The following SLC35D4 variants were observed in gnomAD, a reference collection of about 807,000 sequenced individuals.
The protein encoded by SLC35D4 is solute carrier family 35 member D4.
chr18:23,266,843 G>A, the SLC35D4 span, among the ~76,000 whole-genome samples: 1 of 152,220 alleles, frequency 6.6e-6, no homozygotes, highest in Non-Finnish European at 1.5e-5. Context: ...CCGCCCTGCA[G>A]AGCAGCTTGT....
At chr18:23,288,239 T>C in the SLC35D4 span, among the ~76,000 whole-genome samples, 1 of 152,160 alleles carries the variant, frequency 6.6e-6, no homozygotes, top group African/African-American at 2.4e-5. Flanking sequence ...TCACACCTGG[T>C]TTATCGATGG....
At chr18:23,314,055 G>C in the SLC35D4 span, among the ~76,000 whole-genome samples, 1 of 152,180 alleles carries the variant, frequency 6.6e-6, no homozygotes, top group Non-Finnish European at 1.5e-5. Context: ...CCCTGTGTCC[G>C]ATCTTCCAGG....
the SLC35D4 span, among the ~76,000 whole-genome samples, chr18:23,249,553 C>T: frequency 1.1e-4 from 16 of 152,190 alleles, no homozygotes; most frequent in African/African-American, 3.1e-4. Flanking sequence ...AGACTTGCTG[C>T]GTCTCCTGCT....
the SLC35D4 span, among the ~76,000 whole-genome samples, chr18:23,398,850 T>G: frequency 2.6e-5 from 4 of 152,222 alleles, no homozygotes; most frequent in African/African-American, 9.6e-5. Context: ...AGAATACAAC[T>G]ATTTTCTAAT....
At chr18:23,387,222 T>C in the SLC35D4 span, among the ~76,000 whole-genome samples, 1 of 152,248 alleles carries the variant, frequency 6.6e-6, no homozygotes, top group East Asian at 1.9e-4. Flanking sequence ...GTTGTCTTTA[T>C]TGTTGATAAT....
chr18:23,266,417 A>AC, the SLC35D4 span, among the ~76,000 whole-genome samples: 2 of 152,180 alleles, frequency 1.3e-5, no homozygotes, highest in African/African-American at 4.8e-5. Context: ...AAAAAAAAAA[A>AC]AAAAAACAAA....
chr18:23,252,250 G>A, the SLC35D4 span, among the ~76,000 whole-genome samples: 54 of 152,310 alleles, frequency 3.5e-4, 1 homozygote, highest in East Asian at 9.4e-3. Context: ...TGGGCAGAGT[G>A]TTTCAATTGG....
At chr18:23,327,777 C>T in the SLC35D4 span, among the ~76,000 whole-genome samples, 17 of 152,150 alleles carry the variant, frequency 1.1e-4, no homozygotes, top group African/African-American at 4.1e-4. Context: ...ACCAATATCC[C>T]TGATGAACAT....
the SLC35D4 span, among the ~76,000 whole-genome samples, chr18:23,424,467 T>G: frequency 6.6e-6 from 1 of 152,206 alleles, no homozygotes; most frequent in Non-Finnish European, 1.5e-5. Context: ...AATTCCTGCC[T>G]TTGTAGATCT....
the SLC35D4 span, among the ~76,000 whole-genome samples, chr18:23,380,989 C>T: frequency 1.1e-4 from 17 of 152,316 alleles, 1 homozygote; most frequent in South Asian, 3.5e-3. Context: ...CTCATGGTAA[C>T]ATTTAACAGT....
the SLC35D4 span, chr18:23,373,773 G>A: frequency 1.2e-6 from 2 of 1,612,590 alleles, no homozygotes; most frequent in African/African-American, 2.7e-5. Flanking sequence ...ACTGTGGAGA[G>A]GGAGATAAAA....
the SLC35D4 span, among the ~76,000 whole-genome samples, chr18:23,396,072 A>G: frequency 6.6e-6 from 1 of 152,200 alleles, no homozygotes; most frequent in Non-Finnish European, 1.5e-5. Context: ...GGACAGCTAC[A>G]AGAAAAATCT....
chr18:23,341,020 C>T, the SLC35D4 span, among the ~76,000 whole-genome samples: 2 of 152,224 alleles, frequency 1.3e-5, no homozygotes, highest in Non-Finnish European at 2.9e-5. Flanking sequence ...TAAACTCACA[C>T]ACACCACATC....
At chr18:23,363,978 C>T in the SLC35D4 span, among the ~76,000 whole-genome samples, 92 of 152,100 alleles carry the variant, frequency 6.0e-4, no homozygotes, top group Admixed American at 1.0e-3. Flanking sequence ...ATATGGCAAG[C>T]GGAGTGTAAT....
At chr18:23,277,599 A>G in the SLC35D4 span, among the ~76,000 whole-genome samples, 1 of 152,216 alleles carries the variant, frequency 6.6e-6, no homozygotes, top group African/African-American at 2.4e-5. Flanking sequence ...GGAAGCTGCC[A>G]AAGAAAAACT....
the SLC35D4 span, among the ~76,000 whole-genome samples, chr18:23,428,405 A>C: frequency 7.2e-5 from 11 of 152,352 alleles, no homozygotes; most frequent in East Asian, 2.1e-3. Flanking sequence ...ATATTATAGA[A>C]ACATTCACGT....
chr18:23,263,057 C>T, the SLC35D4 span, among the ~76,000 whole-genome samples: 1 of 152,214 alleles, frequency 6.6e-6, no homozygotes, highest in Non-Finnish European at 1.5e-5. Context: ...ATGCACCTGT[C>T]CTCATTTAAC....
the SLC35D4 span, among the ~76,000 whole-genome samples, chr18:23,394,774 C>A: frequency 6.6e-6 from 1 of 151,704 alleles, no homozygotes; most frequent in Non-Finnish European, 1.5e-5. Context: ...GAGTTTGAGA[C>A]CAGCCTGACC....
At chr18:23,346,562 T>C in the SLC35D4 span, among the ~76,000 whole-genome samples, 1 of 152,052 alleles carries the variant, frequency 6.6e-6, no homozygotes, top group East Asian at 1.9e-4. Context: ...TCCTAAAAAC[T>C]CCATTCCAAT....
Sources: allele counts gnomAD v4.1 joint callset (sites outside exome capture counted in the v4.1 genomes callset), GRCh38; gene constraint gnomAD v4.1.1; transcripts MANE v1.5; gene names NCBI Gene and HGNC (gene_info 2026-07-23, HGNC 2026-07-21).